Variants in TTLL7 observed in about 807,000 individuals in gnomAD.
TTLL7 encodes the protein tubulin tyrosine ligase like 7.
TTLL7 carries 53 observed loss-of-function variants against 120.2 expected under a neutral mutation model. That is an observed-to-expected ratio of 0.44 (90% CI 0.35 to 0.55). The LOEUF is 0.55. TTLL7 is among the 20% of genes least tolerant of loss of function. The probability of loss-of-function intolerance (pLI) is 0.00; values close to 1 mark genes in which losing one functional copy is unlikely to be tolerated. For synonymous variants in TTLL7, 353 were observed against 351.7 expected (o/e 1.00, Z -0.04); for missense variants, 803 against 1,054.7 (o/e 0.76, Z 3.31).
At chr1:83,983,064 G>A (rs886678637) in intron 1 of TTLL7, among the ~76,000 whole-genome samples, 3 of 152,140 alleles carry the variant, frequency 2.0e-5, no homozygotes, top group African/African-American at 7.2e-5. Flanking sequence ...GGCAATAAGG[G>A]CTCACACCTG....
Position 83,868,490 on chromosome 1 carries a change from G to T in TTLL7, c.*1472C>A, listed in dbSNP as rs1051809766. Reference sequence around the variant, plus strand: ...TAACAACTTTGGACAAGAACACTTCGTTCTCTGTTTTGATTTTTTAAAAAC... The same window carrying T: ...TAACAACTTTGGACAAGAACACTTCTTTCTCTGTTTTGATTTTTTAAAAAC... On this transcript the variant is annotated 3_prime_UTR_variant, in exon 21 of 21. Coordinates refer to ENST00000260505, the MANE Select transcript of TTLL7 (RefSeq NM_024686.6). The T allele has an allele frequency of 6.6e-6, 1 of 152,126 alleles. No individual in the cohort carries two copies. Among genetic ancestry groups the T allele is most frequent in the African/African-American group, 2.4e-5 (1 of 41,426 alleles). 9.4% of individuals were successfully genotyped at this position (152,126 alleles called of 1,614,324 possible).
At chr1:83,904,051 G>A in intron 18 of TTLL7, 28 bp downstream of exon 18, 1 of 1,579,198 alleles carries the variant, frequency 6.3e-7, no homozygotes. Flanking sequence ...ATCCAAGAGG[G>A]AAAAAACTTG....
chr1:83,900,961 T>C (rs955366071), intron 18 of TTLL7, among the ~76,000 whole-genome samples: 10 of 152,016 alleles, frequency 6.6e-5, no homozygotes, highest in African/African-American at 1.9e-4. Context: ...CAAGGATCTA[T>C]TTACATGTTA....
At chr1:83,952,028 C>T in intron 2 of TTLL7, 52 bp from the exon 3 acceptor site, 3 of 1,570,986 alleles carry the variant, frequency 1.9e-6, no homozygotes, top group Non-Finnish European at 2.6e-6. Flanking sequence ...AAATCTATAC[C>T]AGACAACACA....
intron 1 of TTLL7, among the ~76,000 whole-genome samples, chr1:83,968,456 A>AT (rs1650682679): frequency 6.6e-6 from 1 of 152,128 alleles, no homozygotes; most frequent in Admixed American, 6.6e-5. Flanking sequence ...AACTAGAAGT[A>AT]TATTTACCTT....
chr1:83,971,494 C>T (rs1384465242), intron 1 of TTLL7, among the ~76,000 whole-genome samples: 4 of 152,008 alleles, frequency 2.6e-5, no homozygotes, highest in African/African-American at 9.7e-5. Context: ...CATATTTACT[C>T]AGTTTTTTTG....
intron 18 of TTLL7, among the ~76,000 whole-genome samples, chr1:83,900,493 T>C (rs1656627408): frequency 1.3e-5 from 2 of 151,938 alleles, no homozygotes; most frequent in Admixed American, 6.6e-5. Context: ...CTTCAAAATA[T>C]GTGGTGTGTG....
chr1:83,908,494 GA>G (rs1182839869), intron 15 of TTLL7, among the ~76,000 whole-genome samples: 1 of 151,790 alleles, frequency 6.6e-6, no homozygotes, highest in Non-Finnish European at 1.5e-5. Context: ...GACAAGTGAA[GA>G]AAAAAATGTA....
chr1:83,975,962 T>G (rs1276104771), intron 1 of TTLL7, among the ~76,000 whole-genome samples: 1 of 151,874 alleles, frequency 6.6e-6, no homozygotes, highest in Non-Finnish European at 1.5e-5. Flanking sequence ...AATATTACAG[T>G]GCCAGAGTGC....
chr1:83,983,263 G>A (rs1402058815), intron 1 of TTLL7, among the ~76,000 whole-genome samples: 2 of 152,016 alleles, frequency 1.3e-5, no homozygotes, highest in South Asian at 2.1e-4. Context: ...CCCAGGAGGC[G>A]GAGGCTGCAG....
intron 19 of TTLL7, among the ~76,000 whole-genome samples, chr1:83,888,530 T>C (rs544036212): frequency 1.3e-5 from 2 of 152,020 alleles, no homozygotes; most frequent in East Asian, 1.9e-4. Flanking sequence ...CATTTCAGAA[T>C]AGAACAGTCT....
At chr1:83,956,388 G>C (rs1649516317) in intron 1 of TTLL7, among the ~76,000 whole-genome samples, 1 of 149,978 alleles carries the variant, frequency 6.7e-6, no homozygotes, top group African/African-American at 2.5e-5. Flanking sequence ...GCCTTCCAAA[G>C]TGCTGAGATT....
At chr1:83,898,775 A>G (rs1656458879) in intron 18 of TTLL7, among the ~76,000 whole-genome samples, 1 of 151,824 alleles carries the variant, frequency 6.6e-6, no homozygotes, top group Non-Finnish European at 1.5e-5. Flanking sequence ...ACACATTTAA[A>G]TTTGTTCCAA....
intron 10 of TTLL7, among the ~76,000 whole-genome samples, chr1:83,926,720 G>A (rs1272702366): frequency 6.6e-6 from 1 of 152,188 alleles, no homozygotes; most frequent in Non-Finnish European, 1.5e-5. Context: ...TGAGTTAGTT[G>A]TAAATAAGGG....
chr1:83,962,941 T>C (rs995257781), intron 1 of TTLL7, among the ~76,000 whole-genome samples: 1 of 152,164 alleles, frequency 6.6e-6, no homozygotes, highest in Non-Finnish European at 1.5e-5. Flanking sequence ...ATGCATCTCC[T>C]AATGGACAAC....
At chr1:83,958,539 T>G (rs967511081) in intron 1 of TTLL7, among the ~76,000 whole-genome samples, 1 of 152,182 alleles carries the variant, frequency 6.6e-6, no homozygotes, top group Non-Finnish European at 1.5e-5. Flanking sequence ...CAGTTGTATA[T>G]GCAAAAAGTA....
rs377052183 is a variant in TTLL7 at position 83,917,601 on chromosome 1, C to A, written c.1587+3G>T. 18 of 1,600,028 alleles carry A rather than the reference C, an allele frequency of 1.1e-5. No homozygotes were observed. Among genetic ancestry groups the A allele is most frequent in the Non-Finnish European group, 1.5e-5 (18 of 1,167,320 alleles). On this transcript the variant is annotated splice_donor_region_variant and intron_variant, in intron 14 of 20. Transcript: ENST00000260505. ...AAGTAAGGAAGGTAGAGATATACTG[C>A]ACCTTTGGTCCTCGAGTCTTGGTAG...
intron 18 of TTLL7, among the ~76,000 whole-genome samples, chr1:83,899,552 T>C (rs765249422): frequency 5.3e-5 from 8 of 151,870 alleles, no homozygotes; most frequent in Non-Finnish European, 1.2e-4. Flanking sequence ...GCGAAAAAAA[T>C]AGAATTGTCT....
At chr1:83,942,722 G>T in intron 6 of TTLL7, 43 bp from the exon 7 acceptor site, 1 of 1,439,664 alleles carries the variant, frequency 6.9e-7, no homozygotes, top group Non-Finnish European at 9.5e-7. Context: ...TTGACATAGA[G>T]CAAGGTGTTT....
Sources: gnomAD v4.1 joint callset for allele counts (sites outside exome capture counted in the v4.1 genomes callset) on GRCh38, gnomAD v4.1.1 for gene constraint, MANE v1.5 for transcripts, NCBI Gene and HGNC (gene_info 2026-07-23, HGNC 2026-07-21) for gene names.